The following ZDHHC2 variants were observed in gnomAD, a reference collection of about 807,000 sequenced individuals.
ZDHHC2 encodes zDHHC palmitoyltransferase 2.
In ZDHHC2, 51 loss-of-function variants were observed where a neutral mutation model predicts 55.6. That is an observed-to-expected ratio of 0.92 (90% CI 0.73 to 1.16). The LOEUF (loss-of-function observed/expected upper bound fraction) is 1.16, where lower values mean the gene tolerates loss of function less well. ZDHHC2 is among the 50% of genes most tolerant of loss of function. The pLI is 0.00. For synonymous variants in ZDHHC2, 199 were observed against 152.9 expected (o/e 1.30, Z -2.22); for missense variants, 491 against 442.4 (o/e 1.11, Z -0.99).
At chr8:17,208,194 G>T in intron 8 of ZDHHC2, 102 bp downstream of exon 8, 1 of 1,199,914 alleles carries the variant, frequency 8.3e-7, no homozygotes, top group South Asian at 2.0e-5. Flanking sequence ...TGAAGTGGTG[G>T]GAAAAGTCAT....
At chr8:17,163,209 G>A (rs1370971319) in intron 1 of ZDHHC2, among the ~76,000 whole-genome samples, 2 of 152,204 alleles carry the variant, frequency 1.3e-5, no homozygotes, top group Non-Finnish European at 2.9e-5. Context: ...ACAGCCTTTG[G>A]AAAGAGCTGC....
At chr8:17,160,552 C>G (rs920308243) in intron 1 of ZDHHC2, among the ~76,000 whole-genome samples, 1 of 152,180 alleles carries the variant, frequency 6.6e-6, no homozygotes, top group Non-Finnish European at 1.5e-5. Context: ...CAGCTATGAC[C>G]TTAGCTGCTG....
chr8:17,215,114 T>C (rs2959612), intron 10 of ZDHHC2, 123 bp from the exon 11 acceptor site: 432,821 of 737,146 alleles, frequency 0.59, 138,439 homozygotes, highest in Non-Finnish European at 0.69. Context: ...CCACGTTATT[T>C]TGGGTACCTC....
chr8:17,163,539 G>A (rs141624018), intron 1 of ZDHHC2, among the ~76,000 whole-genome samples: 33 of 152,250 alleles, frequency 2.2e-4, no homozygotes, highest in African/African-American at 7.7e-4. Context: ...TGGAGAATTT[G>A]TGATTTTCCT....
At chr8:17,203,062 T>TA (rs1162203825) in intron 6 of ZDHHC2, among the ~76,000 whole-genome samples, 53 of 50,066 alleles carry the variant, frequency 1.1e-3, no homozygotes, top group Admixed American at 2.2e-3. Context: ...TTGTCCAAAG[T>TA]CTTTTTTTTT....
At chr8:17,179,587 T>C (rs919624077) in intron 1 of ZDHHC2, among the ~76,000 whole-genome samples, 1 of 152,010 alleles carries the variant, frequency 6.6e-6, no homozygotes, top group Non-Finnish European at 1.5e-5. Context: ...AAAAAAAGTT[T>C]ATTTGTAGAG....
chr8:17,213,523 G>A (rs920922293), intron 10 of ZDHHC2, among the ~76,000 whole-genome samples: 1 of 152,114 alleles, frequency 6.6e-6, no homozygotes, highest in African/African-American at 2.4e-5. Flanking sequence ...AAAGTGCTGG[G>A]ATTACAGGCA....
rs903406899 is a variant in ZDHHC2, at chr8:17,221,830, T to C, written c.*1609T>C. ...CTGCTTCAAGAAATCTCAGAAAATA[T>C]GATAACATTTTAACTTTCATTTTAG... On this transcript the variant is annotated 3_prime_UTR_variant, in exon 13 of 13. Coordinates refer to ENST00000262096, the MANE Select transcript of ZDHHC2 (RefSeq NM_016353.5). 1.3e-5 allele frequency: 2 copies of C among 152,440 alleles called. No individual in the cohort carries two copies. Among genetic ancestry groups the C allele is most frequent in the East Asian group, 1.9e-4 (1 of 5,194 alleles). The allele number at this position is 152,440 out of a possible 1,614,324, so 9.4% of individuals were successfully genotyped here.
rs1318451384 is a variant in ZDHHC2 at position 17,224,556 on chromosome 8, A to G, written c.*4335A>G. On this transcript the variant is annotated 3_prime_UTR_variant, in exon 13 of 13. Transcript: ENST00000262096. The stretch of plus-strand genomic sequence containing the variant: ...CTACCTGAAATTATTAATGCTTAAT[A>G]TATTGCTTCTGTTTGATTGATAAAG... 2.0e-5 allele frequency: 3 copies of G among 151,668 alleles called. No homozygotes were observed. Among genetic ancestry groups the G allele is most frequent in the African/African-American group, 7.3e-5 (3 of 41,378 alleles). 9.4% of individuals were successfully genotyped at this position (151,668 alleles called of 1,614,324 possible).
rs1447040384 is a variant in ZDHHC2 at position 17,215,261 on chromosome 8, A to C, written c.975A>C (p.Ala325=). ...GTCTCGAAAACCATCAGTTTCCTGC[A>C]AAGCCATTGAGAGAGTCCCAGAGCC... ...AKNLENHQFP[A]KPLRESQSHL... is the part of the protein sequence containing the mutation. The change falls in exon 11 of 13, where the codon GCA becomes GCC. Residue 325 remains alanine (A), a synonymous_variant. Coordinates refer to ENST00000262096, the MANE Select transcript of ZDHHC2 (RefSeq NM_016353.5). 2 of 1,601,014 alleles carry C rather than the reference A, an allele frequency of 1.2e-6. No individual in the cohort carries two copies. The highest frequency in any genetic ancestry group is 3.4e-5 in the Admixed American group (2 of 58,280).
chr8:17,211,873 G>T (rs1191025603), intron 10 of ZDHHC2, among the ~76,000 whole-genome samples: 1 of 152,020 alleles, frequency 6.6e-6, no homozygotes, highest in East Asian at 1.9e-4. Context: ...ATACCTCAAT[G>T]CAGAAAAATC....
Position 17,156,737 on chromosome 8 carries a change from G to C in ZDHHC2, c.14G>C (p.Gly5Ala). ...TGCGGCTGGAAGATGGCGCCCTCGG[G>C]CCCGGGCAGCAGCGCCAGGCGGCGG... MAPSGPGSSARRRCR... is the reference protein window; with the variant it reads MAPSAPGSSARRRCR... Residue 5 changes from glycine (G) to alanine (A), a missense_variant, in exon 1 of 13, where the codon GGC becomes GCC. Gly to Ala is a moderately conservative substitution (Grantham distance 60). Coordinates refer to ENST00000262096, the MANE Select transcript of ZDHHC2 (RefSeq NM_016353.5). The C allele has an allele frequency of 2.0e-6, 3 of 1,488,696 alleles. No homozygotes were observed. Among genetic ancestry groups the C allele is most frequent in the Non-Finnish European group, 2.7e-6 (3 of 1,117,922 alleles). 92.2% of individuals were successfully genotyped at this position (1,488,696 alleles called of 1,614,324 possible). A position where few individuals can be genotyped will look rare whatever the true frequency, so the allele number is the denominator to read the frequency against.
At position 17,195,493 on chromosome 8, in the gene ZDHHC2, G is replaced by A; in HGVS notation, c.253-11G>A. ...TGAAAATACTGATTAAGATTTAAAT[G>A]TATTCCACAGTTCCATCTCTCTTAT... On this transcript the variant is annotated splice_polypyrimidine_tract_variant and intron_variant, in intron 3 of 12. Transcript: ENST00000262096. 5.6e-6 allele frequency: 9 copies of A among 1,608,352 alleles called. No individual in the cohort carries two copies. Among genetic ancestry groups the A allele is most frequent in the Non-Finnish European group, 7.6e-6 (9 of 1,176,794 alleles).
chr8:17,196,388 A>G lies in ZDHHC2; in HGVS notation c.373+764A>G, dbSNP rs552774787. 5.9e-5 allele frequency among the ~76,000 whole-genome samples: 9 copies of G among 152,126 alleles called. No homozygotes were observed. The South Asian group carries it at 1.9e-3, about 32-fold the overall frequency. ...TTCAAAGACTTAGTATGAAAAATAT[A>G]TATAAAATATCTCATTAATGAACAG... On this transcript the variant is annotated intron_variant, in intron 4 of 12. Coordinates refer to ENST00000262096, the MANE Select transcript of ZDHHC2 (RefSeq NM_016353.5).
At chr8:17,166,832 G>A (rs1040727187) in intron 1 of ZDHHC2, among the ~76,000 whole-genome samples, 1 of 152,122 alleles carries the variant, frequency 6.6e-6, no homozygotes, top group African/African-American at 2.4e-5. Flanking sequence ...TTAACAATGT[G>A]CACATTGAAC....
chr8:17,159,419 T>G (rs1229923207), intron 1 of ZDHHC2, among the ~76,000 whole-genome samples: 3 of 152,214 alleles, frequency 2.0e-5, no homozygotes, highest in African/African-American at 7.2e-5. Context: ...CTGGTCCTCC[T>G]TCCACATCTG....
In ZDHHC2 at chr8:17,156,816, C is replaced by G. The variant is rs999468407; in HGVS notation, c.93C>G (p.Gly31=). 6.6e-7 allele frequency: 1 copy of G among 1,521,376 alleles called. No individual in the cohort carries two copies. The highest frequency in any genetic ancestry group is 8.8e-7 in the Non-Finnish European group (1 of 1,133,132). 94.2% of individuals were successfully genotyped at this position (1,521,376 alleles called of 1,614,324 possible). ...TGGTGTTCATCACCCTCCTGCTCGGCTGGTCCTACTACGCCTACGCCATCC... is the reference window on the plus strand; with the variant it reads ...TGGTGTTCATCACCCTCCTGCTCGGGTGGTCCTACTACGCCTACGCCATCC... The part of the protein sequence containing the change: ...IPVVFITLLL[G]WSYYAYAIQL... Residue 31 remains glycine, a synonymous_variant, in exon 1 of 13, where the codon GGC becomes GGG. Transcript: ENST00000262096.
At chr8:17,211,099 A>T (rs1242731123) in intron 10 of ZDHHC2, among the ~76,000 whole-genome samples, 1 of 152,182 alleles carries the variant, frequency 6.6e-6, no homozygotes, top group Non-Finnish European at 1.5e-5. Context: ...CTGGCCAGAG[A>T]AAGACCTGAC....
intron 8 of ZDHHC2, 41 bp downstream of exon 8, chr8:17,208,133 G>A (rs780968536): frequency 1.0e-5 from 15 of 1,492,226 alleles, no homozygotes; most frequent in East Asian, 2.5e-5. Context: ...CTTTAAATAC[G>A]TATACCAACA....
Sources: gnomAD v4.1 joint callset for allele counts (sites outside exome capture counted in the v4.1 genomes callset) on GRCh38, gnomAD v4.1.1 for gene constraint, MANE v1.5 for transcripts, NCBI Gene and HGNC (gene_info 2026-07-23, HGNC 2026-07-21) for gene names.